RFX3: variants seen among roughly 807,000 people sequenced by gnomAD.
RFX3 encodes the protein transcription factor RFX3.
RFX3 carries 14 observed loss-of-function variants against 98.6 expected under a neutral mutation model. The observed-to-expected ratio is 0.14, with a 90% CI of 0.09 to 0.22. The LOEUF is 0.22. Among genes scored for constraint, RFX3 ranks in the 10% least tolerant of loss-of-function variants. The pLI is 1.00. For missense variants in RFX3, 639 were observed against 926.9 expected, an observed-to-expected ratio of 0.69 and a Z score of 4.03; for synonymous variants, 383 against 328.4, an observed-to-expected ratio of 1.17 and a Z score of -1.80.
chr9:3,346,672 T>C lies in RFX3; in HGVS notation c.210A>G (p.Gly70=). 1 of 1,600,856 alleles carries C rather than the reference T, an allele frequency of 6.2e-7. No homozygotes were observed. The highest frequency in any genetic ancestry group is 8.6e-7 in the Non-Finnish European group (1 of 1,168,000). ...ACTTCCACATATAAACTTACATTGC[T>C]CCATTGGTATAGACAGTATCGCTTC... ...VEGSDTVYTN[G]AIRTTTYPYT... The change falls in exon 3 of 17, where the codon GGA becomes GGG. Residue 70 remains glycine (G), a synonymous_variant. Coordinates refer to ENST00000617270, the MANE Select transcript of RFX3 (RefSeq NM_001282116.2).
chr9:3,332,936 C>T (rs1832760882), intron 3 of RFX3, among the ~76,000 whole-genome samples: 1 of 152,188 alleles, frequency 6.6e-6, no homozygotes, highest in African/African-American at 2.4e-5. Context: ...TTTTCTGCAT[C>T]CTTTGCCCTC....
At chr9:3,301,656 CAAGATAGTAATAA>C (rs1466742469) in intron 4 of RFX3, 36 bp from the exon 5 acceptor site, 1 of 1,441,560 alleles carries the variant, frequency 6.9e-7, no homozygotes. Context: ...GGGCTCAAGA[CAAGATAGTAATAA>C]AAGGCTGACC....
intron 2 of RFX3, among the ~76,000 whole-genome samples, chr9:3,385,270 C>CA (rs954305665): frequency 9.9e-5 from 15 of 151,448 alleles, no homozygotes; most frequent in East Asian, 1.9e-4. Context: ...ATTTTCCCAG[C>CA]AAAAAAAGAA....
rs373804646 is a variant in RFX3, at chr9:3,510,322, GC to G, written c.-9+15424del. On this transcript the variant is annotated intron_variant, in intron 1 of 16. Coordinates refer to ENST00000617270, the MANE Select transcript of RFX3 (RefSeq NM_001282116.2). ...GGTTATAAGATACAGATCATTTCTT[GC>G]CCCCCCCAAAAAAAGCAACAAACAA... 1.9e-4 allele frequency among the ~76,000 whole-genome samples: 28 copies of G among 150,758 alleles called. No homozygotes were observed. In the East Asian group the frequency reaches 4.5e-3, roughly 24 times the overall value.
chr9:3,500,806 T>C (rs1014939826), intron 1 of RFX3, among the ~76,000 whole-genome samples: 1 of 152,180 alleles, frequency 6.6e-6, no homozygotes, highest in Non-Finnish European at 1.5e-5. Context: ...GTTAGGCAAA[T>C]GTGTTAACTT....
chr9:3,404,703 A>G (rs188461986), intron 1 of RFX3, among the ~76,000 whole-genome samples: 37 of 152,312 alleles, frequency 2.4e-4, no homozygotes, highest in African/African-American at 8.2e-4. Context: ...TTGTCATTAT[A>G]TAATATTTTA....
At chr9:3,508,182 T>G (rs1276540127) in intron 1 of RFX3, among the ~76,000 whole-genome samples, 2 of 151,950 alleles carry the variant, frequency 1.3e-5, no homozygotes, top group African/African-American at 4.8e-5. Context: ...TCATAAGACA[T>G]TAAGACCACG....
intron 1 of RFX3, among the ~76,000 whole-genome samples, chr9:3,425,069 A>C (rs1037071628): frequency 6.6e-6 from 1 of 152,086 alleles, no homozygotes; most frequent in Non-Finnish European, 1.5e-5. Context: ...TCTCTACAAA[A>C]AATCTAAAAA....
At chr9:3,238,849 T>C (rs1033923237) in intron 15 of RFX3, among the ~76,000 whole-genome samples, 1 of 151,846 alleles carries the variant, frequency 6.6e-6, no homozygotes, top group African/African-American at 2.4e-5. Context: ...CAAAATTAGC[T>C]GGGCGTGGTT....
intron 1 of RFX3, among the ~76,000 whole-genome samples, chr9:3,487,137 C>A (rs929540402): frequency 2.6e-5 from 4 of 152,038 alleles, no homozygotes; most frequent in Non-Finnish European, 4.4e-5. Flanking sequence ...ATTACAGGCA[C>A]AAGCCACCAT....
intron 1 of RFX3, among the ~76,000 whole-genome samples, chr9:3,414,392 G>A (rs1842708523): frequency 6.6e-6 from 1 of 151,816 alleles, no homozygotes; most frequent in African/African-American, 2.4e-5. Flanking sequence ...AAACACAATA[G>A]AGTTAGCTTT....
chr9:3,465,340 G>C (rs1162139217), intron 1 of RFX3, among the ~76,000 whole-genome samples: 2 of 151,714 alleles, frequency 1.3e-5, no homozygotes, highest in Admixed American at 6.6e-5. Context: ...TCCCAGGCTG[G>C]AATGCAGTAG....
chr9:3,271,011 G>C lies in RFX3; in HGVS notation c.1194C>G (p.Thr398=), dbSNP rs778523468. The change falls in exon 10 of 17, where the codon ACC becomes ACG. Residue 398 remains threonine (T), a synonymous_variant. Transcript: ENST00000617270. ...AAGATGTTGATTCTGACCTCGATTCGGTAATGGTAGTGCCATCAGTTGGAG... is the reference window on the plus strand; with the variant it reads ...AAGATGTTGATTCTGACCTCGATTCCGTAATGGTAGTGCCATCAGTTGGAG... ...PSTPTDGTTI[T]ESSNLSEIES... The C allele has an allele frequency of 6.2e-7, 1 of 1,613,558 alleles. No homozygotes were observed. The highest frequency in any genetic ancestry group is 8.5e-7 in the Non-Finnish European group (1 of 1,179,616).
At chr9:3,368,737 C>T (rs972914005) in intron 2 of RFX3, among the ~76,000 whole-genome samples, 1 of 152,190 alleles carries the variant, frequency 6.6e-6, no homozygotes, top group African/African-American at 2.4e-5. Flanking sequence ...ATCTATCACC[C>T]ACCTGCCTGG....
chr9:3,360,246 C>G (rs1836252560), intron 2 of RFX3, among the ~76,000 whole-genome samples: 1 of 151,102 alleles, frequency 6.6e-6, no homozygotes, highest in African/African-American at 2.4e-5. Context: ...AGAGAATAAA[C>G]AAATATTTTT....
At chr9:3,438,817 T>C (rs952270186) in intron 1 of RFX3, among the ~76,000 whole-genome samples, 2 of 151,944 alleles carry the variant, frequency 1.3e-5, no homozygotes, top group Non-Finnish European at 2.9e-5. Flanking sequence ...GATAAAGTGA[T>C]CAATTCATCA....
chr9:3,371,103 A>C (rs1438962447), intron 2 of RFX3, among the ~76,000 whole-genome samples: 1 of 152,200 alleles, frequency 6.6e-6, no homozygotes, highest in Non-Finnish European at 1.5e-5. Context: ...TCACTATTGT[A>C]TGTGTATAAC....
chr9:3,362,702 G>T (rs1041891151), intron 2 of RFX3, among the ~76,000 whole-genome samples: 1 of 152,184 alleles, frequency 6.6e-6, no homozygotes, highest in African/African-American at 2.4e-5. Flanking sequence ...CATAGCAGTA[G>T]GGTCCTGGCT....
chr9:3,312,056 T>C (rs543957395), intron 4 of RFX3, among the ~76,000 whole-genome samples: 6 of 152,320 alleles, frequency 3.9e-5, no homozygotes, highest in South Asian at 2.1e-4. Context: ...GAATTAATAA[T>C]GTAGGTACTG....
Sources: allele counts gnomAD v4.1 joint callset (sites outside exome capture counted in the v4.1 genomes callset), GRCh38; gene constraint gnomAD v4.1.1; transcripts MANE v1.5; gene names NCBI Gene and HGNC (gene_info 2026-07-23, HGNC 2026-07-21).